PDE1C: variants seen among roughly 807,000 people sequenced by gnomAD.
PDE1C encodes the protein dual specificity calcium/calmodulin-dependent 3',5'-cyclic nucleotide phosphodiesterase 1C.
Under a neutral mutation model 93.1 loss-of-function variants are expected in PDE1C, and 62 were observed. That is an observed-to-expected ratio of 0.67 (90% CI 0.54 to 0.82). PDE1C has a LOEUF of 0.82. Among genes scored for constraint, PDE1C ranks in the 40% least tolerant of loss-of-function variants. The pLI is 0.00. For synonymous variants in PDE1C, 325 were observed against 310.1 expected, an observed-to-expected ratio of 1.05 and a Z score of -0.50; for missense variants, 742 against 884.6, an observed-to-expected ratio of 0.84 and a Z score of 2.04.
At chr7:32,338,786 G>A (rs866718532) in intron 1 of PDE1C, among the ~76,000 whole-genome samples, 3 of 152,166 alleles carry the variant, frequency 2.0e-5, no homozygotes, top group Non-Finnish European at 2.9e-5. Context: ...GGCGGATCAC[G>A]AGGTCAGGAG....
At chr7:31,949,154 G>A (rs1252453234) in intron 2 of PDE1C, among the ~76,000 whole-genome samples, 1 of 151,998 alleles carries the variant, frequency 6.6e-6, no homozygotes, top group Non-Finnish European at 1.5e-5. Flanking sequence ...TTATCTAGTT[G>A]GGGCTAAAAA....
chr7:31,971,479 G>A (rs1034250609), intron 2 of PDE1C, among the ~76,000 whole-genome samples: 3 of 152,112 alleles, frequency 2.0e-5, no homozygotes, highest in African/African-American at 7.2e-5. Context: ...ATCACGCTAG[G>A]GATGATGCAT....
At chr7:31,912,022 T>A (rs1214654869) in intron 2 of PDE1C, among the ~76,000 whole-genome samples, 2 of 152,152 alleles carry the variant, frequency 1.3e-5, no homozygotes, top group Non-Finnish European at 2.9e-5. Flanking sequence ...AGGTGGTATT[T>A]TCAGTGTGTT....
At chr7:31,797,282 T>G (rs981418080) in intron 16 of PDE1C, among the ~76,000 whole-genome samples, 2 of 151,822 alleles carry the variant, frequency 1.3e-5, no homozygotes, top group African/African-American at 4.8e-5. Flanking sequence ...TGGATTCTCA[T>G]GCTGAAAGCA....
At chr7:31,799,650 C>A (rs371711708) in intron 16 of PDE1C, among the ~76,000 whole-genome samples, 2 of 151,664 alleles carry the variant, frequency 1.3e-5, no homozygotes, top group African/African-American at 4.8e-5. Context: ...CATGAGACAA[C>A]AGCCTTGTGA....
intron 1 of PDE1C, among the ~76,000 whole-genome samples, chr7:32,337,947 C>T (rs1783663487): frequency 6.6e-6 from 1 of 152,138 alleles, no homozygotes; most frequent in African/African-American, 2.4e-5. Flanking sequence ...TGAAACTGGA[C>T]TCTTACCTTA....
chr7:31,933,579 G>A (rs1804619644), intron 2 of PDE1C, among the ~76,000 whole-genome samples: 1 of 152,154 alleles, frequency 6.6e-6, no homozygotes, highest in South Asian at 2.1e-4. Context: ...ATACAGTCTG[G>A]ATACTCGTCC....
intron 16 of PDE1C, chr7:31,784,566 C>T (rs1008137178): frequency 6.6e-6 from 1 of 151,402 alleles, no homozygotes; most frequent in East Asian, 2.0e-4. Context: ...GAATGGGTTA[C>T]CTGGACAGAA....
At chr7:31,970,382 A>G (rs78981324) in intron 2 of PDE1C, among the ~76,000 whole-genome samples, 1,882 of 152,316 alleles carry the variant, frequency 0.012, 15 homozygotes, top group Non-Finnish European at 0.021. Flanking sequence ...CCAACAATAC[A>G]GAAAAGTCTC....
chr7:31,940,370 T>C (rs1159224891), intron 2 of PDE1C, among the ~76,000 whole-genome samples: 1 of 152,168 alleles, frequency 6.6e-6, no homozygotes, highest in Non-Finnish European at 1.5e-5. Context: ...AAGCAGATGG[T>C]CAAGACTTGA....
chr7:31,776,116 A>T (rs1416709854), intron 16 of PDE1C, among the ~76,000 whole-genome samples: 2 of 152,192 alleles, frequency 1.3e-5, no homozygotes, highest in East Asian at 3.9e-4. Context: ...TGCATCCAGG[A>T]TGGAACAGGA....
At position 32,206,094 on chromosome 7, in the gene PDE1C, G is replaced by A. The variant is rs113635904; in HGVS notation, c.136+3395C>T. ...AGGGGTAAGGTTACCTGCTCAACGC[G>A]GCACAGAATTCATAATTCTGGACAC... On this transcript the variant is annotated intron_variant, in intron 2 of 18. Transcript: ENST00000396193. Among the ~76,000 whole-genome samples, 651 of 152,208 alleles carry A rather than the reference G, an allele frequency of 4.3e-3. 5 individuals are homozygous for A. The highest frequency in any genetic ancestry group is 0.015 in the African/African-American group (611 of 41,516).
Position 32,116,094 on chromosome 7 carries a change from A to T in PDE1C, c.308+53691T>A, listed in dbSNP as rs960935171. Among the ~76,000 whole-genome samples the T allele has an allele frequency of 5.9e-5, 9 of 152,254 alleles. No individual in the cohort carries two copies. The East Asian group carries it at 1.5e-3, about 26-fold the overall frequency. Reference sequence around the variant, plus strand: ...TTAGACCAAGCCCTTAAGATTCCTAAAACATTAGAAAGGCATAAGCACAAT... The same window carrying T: ...TTAGACCAAGCCCTTAAGATTCCTATAACATTAGAAAGGCATAAGCACAAT... On this transcript the variant is annotated intron_variant, in intron 3 of 18. Coordinates refer to the PDE1C transcript ENST00000396193.
chr7:32,179,044 C>T (rs969435232), intron 2 of PDE1C, among the ~76,000 whole-genome samples: 1 of 152,202 alleles, frequency 6.6e-6, no homozygotes, highest in Non-Finnish European at 1.5e-5. Context: ...ACCTAGATTA[C>T]AGAGTTAGAA....
chr7:32,400,120 T>C (rs904185907), intron 1 of PDE1C, among the ~76,000 whole-genome samples: 2 of 152,212 alleles, frequency 1.3e-5, no homozygotes, highest in African/African-American at 4.8e-5. Context: ...AGAAACATAG[T>C]TCACTGTGTA....
At chr7:31,619,621 GA>G in the PDE1C span, among the ~76,000 whole-genome samples, 2 of 152,066 alleles carry the variant, frequency 1.3e-5, no homozygotes, top group Non-Finnish European at 2.9e-5. Context: ...AAAGAAGGGG[GA>G]GGAGCCAAGA....
chr7:31,984,179 T>G (rs1584323074), intron 2 of PDE1C, among the ~76,000 whole-genome samples: 1 of 151,934 alleles, frequency 6.6e-6, no homozygotes, highest in Admixed American at 6.6e-5. Flanking sequence ...CAGCAGGAGG[T>G]GAGCAGCTGG....
At chr7:32,202,930 C>G (rs1014312955) in intron 2 of PDE1C, among the ~76,000 whole-genome samples, 33 of 152,076 alleles carry the variant, frequency 2.2e-4, no homozygotes, top group Admixed American at 2.6e-4. Context: ...TACAGCAGGT[C>G]TCCACATCTT....
the PDE1C span, chr7:31,692,275 G>C: frequency 1.8e-6 from 1 of 569,424 alleles, no homozygotes; most frequent in Non-Finnish European, 3.0e-6. Context: ...AGTTTAAGAA[G>C]CACACATAAA....
Sources: gnomAD v4.1 joint callset for allele counts (sites outside exome capture counted in the v4.1 genomes callset) on GRCh38, gnomAD v4.1.1 for gene constraint, MANE v1.5 for transcripts, NCBI Gene and HGNC (gene_info 2026-07-23, HGNC 2026-07-21) for gene names.